Variants in NPFFR1 observed in about 807,000 individuals in gnomAD.
NPFFR1 encodes neuropeptide FF receptor 1.
A neutral mutation model predicts 12.7 loss-of-function variants in NPFFR1; 17 were observed. The observed-to-expected ratio is 1.34, with a 90% CI of 0.92 to 2.01. NPFFR1 has a LOEUF of 2.01. Among genes scored for constraint, NPFFR1 ranks in the 30% most tolerant of loss-of-function variants. The probability of loss-of-function intolerance (pLI) is 0.00; values close to 1 mark genes in which losing one functional copy is unlikely to be tolerated. For missense variants in NPFFR1, 604 were observed against 606.5 expected (o/e 1.00, Z 0.04); for synonymous variants, 296 against 264.5 (o/e 1.12, Z -1.16).
chr10:70,255,804 A>T lies in NPFFR1; in HGVS notation c.446T>A (p.Phe149Tyr). The T allele has an allele frequency of 6.2e-7, 1 of 1,610,046 alleles. No homozygotes were observed. The highest frequency in any genetic ancestry group is 2.2e-5 in the East Asian group (1 of 44,718). ...CTTCCGCAGGGTCAGCTTCTCGCGG[A>T]AAGGGTGCACGATGCAGCGGAACCT... ...VERFRCIVHP[F>Y]REKLTLRKAL... is the part of the protein sequence containing the mutation. Residue 149 changes from phenylalanine (F) to tyrosine (Y), a missense_variant, in exon 4 of 4, where the codon TTC becomes TAC. Transcript: ENST00000277942. The surrounding 1 kb of genome is among the most constrained non-coding windows in gnomAD (Gnocchi z 4.2).
intron 1 of NPFFR1, among the ~76,000 whole-genome samples, chr10:70,283,463 A>T (rs1477544733): frequency 2.0e-5 from 3 of 151,304 alleles, no homozygotes; most frequent in South Asian, 4.2e-4. Context: ...ATACACACGC[A>T]CACACACACA....
At position 70,266,247 on chromosome 10, in the gene NPFFR1, G is replaced by C. The variant is rs368051663; in HGVS notation, c.152C>G (p.Ala51Gly). 1 of 1,613,954 alleles carries C rather than the reference G, an allele frequency of 6.2e-7. No individual in the cohort carries two copies. The highest frequency in any genetic ancestry group is 8.5e-7 in the Non-Finnish European group (1 of 1,179,878). ...CACCATGCAGAGCAGGAAGATGAGC[G>C]CATAGGCCACAATGAACATGGCCGC... is the stretch of plus-strand genomic sequence containing the variant. ...PVAAMFIVAY[A>G]LIFLLCMVGN... Residue 51 changes from alanine to glycine, a missense_variant, in exon 2 of 4, where the codon GCG becomes GGG. Ala to Gly is a moderately conservative substitution (Grantham distance 60, BLOSUM62 0). Transcript: ENST00000277942.
At chr10:70,276,584 C>CTTTT (rs57759018) in intron 1 of NPFFR1, among the ~76,000 whole-genome samples, 7 of 117,338 alleles carry the variant, frequency 6.0e-5, no homozygotes, top group Admixed American at 2.0e-4. Context: ...ATGTTTGTAT[C>CTTTT]TTTTTTTTTT....
At chr10:70,267,784 C>G (rs1219589989) in intron 1 of NPFFR1, among the ~76,000 whole-genome samples, 1 of 152,180 alleles carries the variant, frequency 6.6e-6, no homozygotes. Flanking sequence ...AGGCTGGGGG[C>G]CTGGAGGTTA....
chr10:70,270,871 G>T (rs1158830313), intron 1 of NPFFR1, among the ~76,000 whole-genome samples: 1 of 152,130 alleles, frequency 6.6e-6, no homozygotes, highest in Admixed American at 6.5e-5. Flanking sequence ...ATCTCAGGGT[G>T]TAATAATGGT....
intron 1 of NPFFR1, chr10:70,277,847 G>C (rs992291714): frequency 4.2e-6 from 2 of 470,624 alleles, no homozygotes; most frequent in African/African-American, 3.9e-5. Context: ...GGCCCAGAGG[G>C]GAAGGCAAAT....
intron 1 of NPFFR1, among the ~76,000 whole-genome samples, chr10:70,271,968 T>C (rs917279619): frequency 6.6e-6 from 1 of 151,562 alleles, no homozygotes; most frequent in African/African-American, 2.4e-5. Flanking sequence ...AATACAAAAA[T>C]TAGCCAGGCG....
intron 1 of NPFFR1, among the ~76,000 whole-genome samples, chr10:70,272,627 T>C (rs770308942): frequency 8.5e-5 from 13 of 152,358 alleles, no homozygotes; most frequent in Non-Finnish European, 1.3e-4. Context: ...GCTTGGATTG[T>C]TCGGTTAAAC....
intron 1 of NPFFR1, among the ~76,000 whole-genome samples, chr10:70,268,286 G>A (rs563495115): frequency 1.3e-5 from 2 of 152,280 alleles, no homozygotes; most frequent in African/African-American, 2.4e-5. Context: ...ATGAAAAAAT[G>A]TGGTTTCCAT....
At chr10:70,270,387 A>T (rs575253779) in intron 1 of NPFFR1, among the ~76,000 whole-genome samples, 1 of 152,278 alleles carries the variant, frequency 6.6e-6, no homozygotes, top group East Asian at 1.9e-4. Context: ...GAGCCTCAAA[A>T]TTAGCTCTGA....
At chr10:70,272,469 A>G (rs909127088) in intron 1 of NPFFR1, among the ~76,000 whole-genome samples, 4 of 152,220 alleles carry the variant, frequency 2.6e-5, no homozygotes, top group Admixed American at 6.5e-5. Flanking sequence ...CCGCTGAAGA[A>G]CACAACACAG....
chr10:70,274,643 G>A (rs958431567), intron 1 of NPFFR1, among the ~76,000 whole-genome samples: 6 of 152,276 alleles, frequency 3.9e-5, no homozygotes, highest in South Asian at 2.1e-4. Context: ...AGAGAACTGG[G>A]GAGATCTACT....
At position 70,256,072 on chromosome 10, in the gene NPFFR1, CTT is replaced by C. The variant is rs60840539; in HGVS notation, c.423-247_423-246del. ...CTGTGTGCACTTTTGCACTTTTCTC[CTT>C]TTTTTTTTTTTTTTCCTGAGACAGG... On this transcript the variant is annotated intron_variant, in intron 3 of 3. Transcript: ENST00000277942. Among the ~76,000 whole-genome samples, 246 of 137,720 alleles carry C rather than the reference CTT, an allele frequency of 1.8e-3. 1 individual carries two copies. The highest frequency in any genetic ancestry group is 2.1e-3 in the Admixed American group (29 of 13,920). The allele number at this position is 137,720 out of a possible 152,430, so 90.3% of individuals were successfully genotyped here.
chr10:70,262,763 T>C (rs916225933), intron 2 of NPFFR1, among the ~76,000 whole-genome samples: 2 of 152,194 alleles, frequency 1.3e-5, no homozygotes, highest in South Asian at 2.1e-4. Context: ...GATATGTGTG[T>C]TAAATATTTC....
Position 70,255,909 on chromosome 10 carries a change from T to C in NPFFR1, c.423-82A>G. 1 of 1,430,906 alleles carries C rather than the reference T, an allele frequency of 7.0e-7. No individual in the cohort carries two copies. Among genetic ancestry groups the C allele is most frequent in the Non-Finnish European group, 9.4e-7 (1 of 1,058,366 alleles). 88.6% of individuals were successfully genotyped at this position (1,430,906 alleles called of 1,614,324 possible). Reference sequence around the variant, plus strand: ...GGACGGTGGGTGGGATGCGGGCACCTGACCTTCATCATCGCATCTAGGGCG... The same window carrying C: ...GGACGGTGGGTGGGATGCGGGCACCCGACCTTCATCATCGCATCTAGGGCG... On this transcript the variant is annotated intron_variant, in intron 3 of 3. Transcript: ENST00000277942. The surrounding 1 kb of genome is among the most constrained non-coding windows in gnomAD (Gnocchi z 4.2).
In NPFFR1 at chr10:70,266,776, G is replaced by A. The variant is rs935130115; in HGVS notation, c.8-385C>T. Among the ~76,000 whole-genome samples, 4 of 152,240 alleles carry A rather than the reference G, an allele frequency of 2.6e-5. No individual in the cohort carries two copies. The East Asian group carries it at 5.8e-4, about 22-fold the overall frequency. ...GGTTCAGCCAATGCCAGGCCCTGAA[G>A]GAGATGGGAGGGCAGGAGCAGAGAG... On this transcript the variant is annotated intron_variant, in intron 1 of 3. Coordinates refer to ENST00000277942, the MANE Select transcript of NPFFR1 (RefSeq NM_022146.5).
At chr10:70,262,958 G>C (rs1030764118) in intron 2 of NPFFR1, among the ~76,000 whole-genome samples, 27 of 152,196 alleles carry the variant, frequency 1.8e-4, no homozygotes, top group African/African-American at 5.8e-4. Flanking sequence ...AGGAATTCAA[G>C]ACCAGCCTGG....
At chr10:70,260,439 G>T (rs982426109) in intron 3 of NPFFR1, among the ~76,000 whole-genome samples, 1 of 152,210 alleles carries the variant, frequency 6.6e-6, no homozygotes, top group African/African-American at 2.4e-5. Flanking sequence ...CCAGAAGGGG[G>T]TGGTAGTGTC....
intron 2 of NPFFR1, among the ~76,000 whole-genome samples, chr10:70,263,737 G>A (rs1404793024): frequency 6.6e-6 from 1 of 151,960 alleles, no homozygotes; most frequent in Admixed American, 6.6e-5. Flanking sequence ...GCCATGAACT[G>A]TAAACTGAAT....
Sources: gnomAD v4.1 joint callset for allele counts (sites outside exome capture counted in the v4.1 genomes callset) on GRCh38, gnomAD v4.1.1 for gene constraint, Gnocchi (gnomAD v3.1) non-coding constraint, MANE v1.5 for transcripts, NCBI Gene and HGNC (gene_info 2026-07-23, HGNC 2026-07-21) for gene names.